The following ADAMTSL1 variants were observed in gnomAD, a reference collection of about 807,000 sequenced individuals.
ADAMTSL1 encodes the protein ADAMTS-like protein 1.
In ADAMTSL1, 126 loss-of-function variants were observed where a neutral mutation model predicts 201.8. That is an observed-to-expected ratio of 0.62 (90% CI 0.54 to 0.72). The LOEUF (loss-of-function observed/expected upper bound fraction) is 0.72. Among genes scored for constraint, ADAMTSL1 ranks in the 30% least tolerant of loss-of-function variants. The probability of loss-of-function intolerance (pLI) is 0.00; values close to 1 mark genes in which losing one functional copy is unlikely to be tolerated. For missense variants in ADAMTSL1, 2,679 were observed against 2,277.8 expected (o/e 1.18, Z -3.59); for synonymous variants, 1,121 against 903.4 (o/e 1.24, Z -4.32).
chr9:18,162,401 C>T (rs1827433054), intron 1 of ADAMTSL1, among the ~76,000 whole-genome samples: 1 of 152,018 alleles, frequency 6.6e-6, no homozygotes, highest in Non-Finnish European at 1.5e-5. Context: ...GTCTTAATTA[C>T]ATCTGCAAAG....
At chr9:17,977,971 A>G (rs1818521027) in intron 1 of ADAMTSL1, among the ~76,000 whole-genome samples, 1 of 151,970 alleles carries the variant, frequency 6.6e-6, no homozygotes, top group Non-Finnish European at 1.5e-5. Flanking sequence ...TATTTGCTTT[A>G]TATTCATATG....
At chr9:18,710,839 C>A (rs1218138043) in intron 14 of ADAMTSL1, among the ~76,000 whole-genome samples, 1 of 151,982 alleles carries the variant, frequency 6.6e-6, no homozygotes, top group Non-Finnish European at 1.5e-5. Flanking sequence ...TACAAAGCAA[C>A]ATGGCATTGT....
intron 2 of ADAMTSL1, among the ~76,000 whole-genome samples, chr9:18,298,853 T>C (rs1833580801): frequency 6.6e-6 from 1 of 151,448 alleles, no homozygotes; most frequent in Non-Finnish European, 1.5e-5. Flanking sequence ...CTATTAAAAA[T>C]ACAAAAAATC....
At chr9:18,616,299 A>G (rs1825696699) in intron 4 of ADAMTSL1, among the ~76,000 whole-genome samples, 1 of 152,226 alleles carries the variant, frequency 6.6e-6, no homozygotes, top group Non-Finnish European at 1.5e-5. Context: ...TGTTGGGATT[A>G]CAGGCATAAG....
chr9:18,874,260 T>C (rs765655576), intron 23 of ADAMTSL1, among the ~76,000 whole-genome samples: 1 of 152,152 alleles, frequency 6.6e-6, no homozygotes, highest in Non-Finnish European at 1.5e-5. Context: ...TTACTTCCTC[T>C]TTACCGATTT....
Position 18,801,922 on chromosome 9 carries a change from C to T in ADAMTSL1, c.3805+6398C>T, listed in dbSNP as rs540969878. ...TTTACTTTTAACAGCTTTATCAAGGCATAATTAACATACCATAAAACTCAC... is the reference window on the plus strand; with the variant it reads ...TTTACTTTTAACAGCTTTATCAAGGTATAATTAACATACCATAAAACTCAC... On this transcript the variant is annotated intron_variant, in intron 20 of 28. Transcript: ENST00000380548. Among the ~76,000 whole-genome samples the T allele has an allele frequency of 5.9e-5, 9 of 152,158 alleles. 1 individual carries two copies. In the South Asian group the frequency reaches 1.7e-3, roughly 28 times the overall value.
chr9:17,985,756 C>T (rs1009474607), intron 1 of ADAMTSL1, among the ~76,000 whole-genome samples: 5 of 152,078 alleles, frequency 3.3e-5, no homozygotes, highest in African/African-American at 1.2e-4. Flanking sequence ...TATAAATGAG[C>T]AAAATAAGAT....
intron 2 of ADAMTSL1, among the ~76,000 whole-genome samples, chr9:18,397,990 G>A (rs73643266): frequency 0.044 from 6,748 of 152,232 alleles, 152 homozygotes; most frequent in Middle Eastern, 0.092. Context: ...CCCAGGAGCA[G>A]TACAGTATTG....
intron 1 of ADAMTSL1, among the ~76,000 whole-genome samples, chr9:18,145,264 C>A (rs563071213): frequency 3.7e-4 from 56 of 152,262 alleles, no homozygotes; most frequent in Admixed American, 1.7e-3. Flanking sequence ...CATAGGTATT[C>A]AATGTTATGC....
intron 1 of ADAMTSL1, among the ~76,000 whole-genome samples, chr9:18,026,831 G>C (rs769335217): frequency 6.6e-6 from 1 of 151,974 alleles, no homozygotes; most frequent in Non-Finnish European, 1.5e-5. Flanking sequence ...AATCCATCTT[G>C]TCCAGGGCTT....
At chr9:18,173,173 A>G (rs1375899990) in intron 2 of ADAMTSL1, among the ~76,000 whole-genome samples, 2 of 152,194 alleles carry the variant, frequency 1.3e-5, no homozygotes, top group African/African-American at 2.4e-5. Context: ...TAATGCATGT[A>G]TAACAAAAAC....
chr9:18,349,738 G>T (rs1307844742), intron 2 of ADAMTSL1, among the ~76,000 whole-genome samples: 2 of 151,934 alleles, frequency 1.3e-5, no homozygotes, highest in African/African-American at 4.8e-5. Context: ...GTCATTCCTG[G>T]GTCAGCCTGC....
At chr9:17,941,174 G>T (rs1470776522) in intron 1 of ADAMTSL1, among the ~76,000 whole-genome samples, 1 of 152,024 alleles carries the variant, frequency 6.6e-6, no homozygotes, top group Non-Finnish European at 1.5e-5. Flanking sequence ...AAGCCAAGCA[G>T]ATTTCTTTTG....
intron 3 of ADAMTSL1, among the ~76,000 whole-genome samples, chr9:18,549,309 G>T (rs1247649292): frequency 1.3e-5 from 2 of 151,976 alleles, no homozygotes; most frequent in Non-Finnish European, 2.9e-5. Flanking sequence ...TGTAAAAGAT[G>T]AGTTAATGTC....
intron 2 of ADAMTSL1, among the ~76,000 whole-genome samples, chr9:18,233,156 A>G (rs926792442): frequency 1.3e-5 from 2 of 152,198 alleles, no homozygotes; most frequent in African/African-American, 2.4e-5. Context: ...ACCTCCTTAG[A>G]TTGCGGCACA....
intron 2 of ADAMTSL1, among the ~76,000 whole-genome samples, chr9:18,526,030 T>C (rs1311202765): frequency 6.6e-6 from 1 of 152,210 alleles, no homozygotes; most frequent in African/African-American, 2.4e-5. Context: ...CTGTCCAATG[T>C]TGACAGTGGG....
At chr9:18,211,057 G>C (rs1213217560) in intron 2 of ADAMTSL1, among the ~76,000 whole-genome samples, 2 of 152,072 alleles carry the variant, frequency 1.3e-5, no homozygotes, top group Non-Finnish European at 2.9e-5. Flanking sequence ...GCCACAGCTG[G>C]CTGGACAAAG....
At position 18,122,905 on chromosome 9, in the gene ADAMTSL1, A is replaced by G. The variant is rs56238965; in HGVS notation, c.88-40957A>G. Among the ~76,000 whole-genome samples the G allele has an allele frequency of 3.4e-3, 520 of 151,912 alleles. 1 individual carries two copies. The highest frequency in any genetic ancestry group is 4.4e-3 in the Non-Finnish European group (298 of 67,930). On this transcript the variant is annotated intron_variant, in intron 1 of 29. Transcript: ENST00000680146. ...TGGTGTGTACCTCCACACCTGGCTA[A>G]TTTTTGTACTTTTTGTCAAGATGGA...
chr9:18,317,313 T>C (rs1834441401), intron 2 of ADAMTSL1, among the ~76,000 whole-genome samples: 1 of 152,092 alleles, frequency 6.6e-6, no homozygotes, highest in Non-Finnish European at 1.5e-5. Flanking sequence ...GGGGGTCGAA[T>C]GTACAGCATG....
Sources: allele counts gnomAD v4.1 joint callset (sites outside exome capture counted in the v4.1 genomes callset), GRCh38; gene constraint gnomAD v4.1.1; transcripts MANE v1.5; gene names NCBI Gene and HGNC (gene_info 2026-07-23, HGNC 2026-07-21).